CNGA3: variants seen among roughly 807,000 people sequenced by gnomAD.
CNGA3 encodes cyclic nucleotide gated channel subunit alpha 3.
Under a neutral mutation model 46.6 loss-of-function variants are expected in CNGA3, and 42 were observed. The observed-to-expected ratio is 0.90, with a 90% CI of 0.70 to 1.17. CNGA3 has a LOEUF of 1.17. Among genes scored for constraint, CNGA3 ranks in the 50% most tolerant of loss-of-function variants. The probability of loss-of-function intolerance (pLI) is 0.00; values close to 1 mark genes in which losing one functional copy is unlikely to be tolerated. For synonymous variants in CNGA3, 394 were observed against 369.4 expected (o/e 1.07, Z -0.76); for missense variants, 893 against 890.7 (o/e 1.00, Z -0.03).
At chr2:98,390,987 TG>T (rs1461581624) in intron 6 of CNGA3, among the ~76,000 whole-genome samples, 1 of 152,180 alleles carries the variant, frequency 6.6e-6, no homozygotes, top group Non-Finnish European at 1.5e-5. Context: ...AGGCAAGTCC[TG>T]CCTGTCCTTC....
intron 5 of CNGA3, among the ~76,000 whole-genome samples, chr2:98,384,743 T>C (rs909364462): frequency 1.3e-5 from 2 of 152,156 alleles, no homozygotes; most frequent in Non-Finnish European, 2.9e-5. Flanking sequence ...ACAGAGGTCC[T>C]GGGGGTTTCT....
Position 98,396,943 on chromosome 2 carries a change from C to A in CNGA3, c.1773C>A (p.Tyr591Ter). 1 of 1,614,148 alleles carries A rather than the reference C, an allele frequency of 6.2e-7. No individual in the cohort carries two copies. ...KDDLMEALTE[Y>*]PEAKKALEEK... ...ATCTCATGGAGGCCCTCACCGAGTA[C>A]CCCGAAGCCAAGAAGGCCCTGGAGG... The change falls in exon 8 of 8, where the codon TAC becomes TAA. Residue 591 changes from tyrosine to a stop codon, truncating the protein, a stop_gained. Transcript: ENST00000272602. LOFTEE classifies it low-confidence loss of function (END_TRUNC).
At position 98,349,326 on chromosome 2, in the gene CNGA3, A is replaced by G. The variant is rs185610147; in HGVS notation, c.-38+2792A>G. On this transcript the variant is annotated intron_variant, in intron 1 of 7. Transcript: ENST00000272602. ...AAGGGTGAGTAATTTGGCTTAGATG[A>G]GCATCCAGTTTAGGCTCACTTGATC... 1.7e-4 allele frequency among the ~76,000 whole-genome samples: 26 copies of G among 152,226 alleles called. 1 individual carries two copies. The highest frequency in any genetic ancestry group is 6.3e-4 in the African/African-American group (26 of 41,550).
chr2:98,383,307 G>T, intron 4 of CNGA3, 81 bp from the exon 5 acceptor site: 1 of 1,302,886 alleles, frequency 7.7e-7, no homozygotes, highest in South Asian at 1.2e-5. Context: ...GGGGGGTGGG[G>T]CATGGTAATC....
intron 5 of CNGA3, among the ~76,000 whole-genome samples, chr2:98,389,453 G>C (rs1574385070): frequency 6.6e-6 from 1 of 152,186 alleles, no homozygotes; most frequent in African/African-American, 2.4e-5. Context: ...TGAGCTGGGA[G>C]AGAAGGACCT....
At chr2:98,387,766 C>T (rs1402973730) in intron 5 of CNGA3, among the ~76,000 whole-genome samples, 1 of 152,204 alleles carries the variant, frequency 6.6e-6, no homozygotes, top group Non-Finnish European at 1.5e-5. Flanking sequence ...TTCCCTTCTG[C>T]TCACTGGCTT....
intron 2 of CNGA3, among the ~76,000 whole-genome samples, chr2:98,371,719 G>T (rs1464960842): frequency 6.6e-6 from 1 of 152,200 alleles, no homozygotes; most frequent in Non-Finnish European, 1.5e-5. Flanking sequence ...TTAAGGCATT[G>T]CTCCTTATTT....
chr2:98,383,969 C>A (rs113671062), intron 5 of CNGA3, among the ~76,000 whole-genome samples: 4 of 152,260 alleles, frequency 2.6e-5, no homozygotes, highest in African/African-American at 9.6e-5. Context: ...TCGTTGCAAG[C>A]TCCGCCTCCC....
intron 3 of CNGA3, chr2:98,379,944 C>T: frequency 3.4e-6 from 2 of 594,098 alleles, no homozygotes; most frequent in South Asian, 4.0e-5. Context: ...GGAAGCCTGC[C>T]CCTGACTGCA....
rs374507358 is a variant in CNGA3 at position 98,380,200 on chromosome 2, C to G, written c.241C>G (p.Arg81Gly). 2 of 1,614,100 alleles carry G rather than the reference C, an allele frequency of 1.2e-6. No individual in the cohort carries two copies. Among genetic ancestry groups the G allele is most frequent in the South Asian group, 2.2e-5 (2 of 91,084 alleles). ...GCTGTCGCGCCTCATCTTCTTGCTGCGCAGGTGGGCTGCCAGGCATGTGCA... is the reference window on the plus strand; with the variant it reads ...GCTGTCGCGCCTCATCTTCTTGCTGGGCAGGTGGGCTGCCAGGCATGTGCA... ...ARLSRLIFLL[R>G]RWAARHVHHQ... Residue 81 changes from arginine to glycine, a missense_variant, in exon 4 of 8, where the codon CGC becomes GGC. By Grantham distance (125) the Arg-to-Gly change is moderately radical (BLOSUM62 -2). Around this residue, in one of 3 missense-constraint regions of CNGA3, gnomAD observed 333 missense variants for 290.8 expected, o/e 1.15. Coordinates refer to ENST00000272602, the MANE Select transcript of CNGA3 (RefSeq NM_001298.3).
intron 7 of CNGA3, among the ~76,000 whole-genome samples, chr2:98,395,406 G>A (rs1421892522): frequency 5.9e-5 from 9 of 152,108 alleles, no homozygotes; most frequent in African/African-American, 2.2e-4. Context: ...TTGACCTCAG[G>A]TGATCCACCC....
intron 5 of CNGA3, among the ~76,000 whole-genome samples, chr2:98,387,415 G>T (rs754953191): frequency 6.6e-6 from 1 of 152,158 alleles, no homozygotes; most frequent in Non-Finnish European, 1.5e-5. Flanking sequence ...AATCAGAGGG[G>T]CCTGAAGGGG....
At chr2:98,347,705 C>T (rs546835349) in intron 1 of CNGA3, among the ~76,000 whole-genome samples, 114 of 152,300 alleles carry the variant, frequency 7.5e-4, no homozygotes, top group Non-Finnish European at 1.2e-3. Flanking sequence ...CAGCGAAGCC[C>T]GGCACCCCGA....
chr2:98,354,715 G>T (rs547016336), intron 1 of CNGA3, among the ~76,000 whole-genome samples: 2 of 152,290 alleles, frequency 1.3e-5, no homozygotes, highest in East Asian at 3.9e-4. Flanking sequence ...AGCCCAGGAG[G>T]TCAAGGCTGC....
chr2:98,387,252 A>C (rs2104222964), intron 5 of CNGA3, among the ~76,000 whole-genome samples: 1 of 152,310 alleles, frequency 6.6e-6, no homozygotes, highest in East Asian at 1.9e-4. Context: ...GTCATGAATA[A>C]TGGCAGTGAT....
At chr2:98,358,047 C>T (rs1691926814) in intron 1 of CNGA3, among the ~76,000 whole-genome samples, 1 of 152,212 alleles carries the variant, frequency 6.6e-6, no homozygotes, top group African/African-American at 2.4e-5. Context: ...GCCTCGCACC[C>T]AGGGGGCCCT....
intron 5 of CNGA3, among the ~76,000 whole-genome samples, chr2:98,387,190 T>C (rs968037184): frequency 2.6e-5 from 4 of 152,238 alleles, no homozygotes; most frequent in African/African-American, 7.2e-5. Context: ...GAATTCACCG[T>C]TGAGGATGAG....
At chr2:98,362,461 GT>G (rs1692056588) in intron 1 of CNGA3, among the ~76,000 whole-genome samples, 1 of 151,594 alleles carries the variant, frequency 6.6e-6, no homozygotes, top group African/African-American at 2.4e-5. Flanking sequence ...GATTACAGAT[GT>G]GAACCACTAC....
At position 98,352,476 on chromosome 2, in the gene CNGA3, C is replaced by T. The variant is rs576246703; in HGVS notation, c.-38+5942C>T. ...ACTGCCCAGCTGTTCTCCAAAGTGG[C>T]TACATCATTTACATTCCCACCAGCA... On this transcript the variant is annotated intron_variant, in intron 1 of 7. Transcript: ENST00000272602. 2.6e-5 allele frequency among the ~76,000 whole-genome samples: 4 copies of T among 152,280 alleles called. No individual in the cohort carries two copies. In the East Asian group the frequency reaches 7.7e-4, roughly 29 times the overall value.
Sources: allele counts gnomAD v4.1 joint callset (sites outside exome capture counted in the v4.1 genomes callset), GRCh38; gene constraint gnomAD v4.1.1; regional missense constraint gnomAD v4.1.1; transcripts MANE v1.5; gene names NCBI Gene and HGNC (gene_info 2026-07-23, HGNC 2026-07-21).